Variants in INSC observed in about 807,000 individuals in gnomAD.
INSC encodes INSC spindle orientation adaptor protein.
A neutral mutation model predicts 58.6 loss-of-function variants in INSC; 67 were observed. The ratio of observed to expected loss-of-function variants is 1.14; its 90% confidence interval spans 0.94 to 1.40. The LOEUF (loss-of-function observed/expected upper bound fraction) is 1.40, where lower values mean the gene tolerates loss of function less well. Among genes scored for constraint, INSC ranks in the 40% most tolerant of loss-of-function variants. The probability of loss-of-function intolerance (pLI) is 0.00; values close to 1 mark genes in which losing one functional copy is unlikely to be tolerated. For synonymous variants in INSC, 262 were observed against 276.1 expected (o/e 0.95, Z 0.51); for missense variants, 714 against 692.0 (o/e 1.03, Z -0.36).
chr11:15,173,618 A>G (rs989332048), intron 2 of INSC, among the ~76,000 whole-genome samples: 10 of 152,086 alleles, frequency 6.6e-5, no homozygotes, highest in African/African-American at 1.2e-4. Context: ...ACATATACAT[A>G]TATGTATGTG....
intron 10 of INSC, among the ~76,000 whole-genome samples, chr11:15,236,279 T>G: frequency 6.8e-6 from 1 of 147,688 alleles, no homozygotes; most frequent in Non-Finnish European, 1.5e-5. Context: ...GGAAGAAGAG[T>G]AAGGTAGTCT....
chr11:15,204,311 C>A (rs763553434), intron 7 of INSC, among the ~76,000 whole-genome samples: 76 of 152,234 alleles, frequency 5.0e-4, no homozygotes, highest in Admixed American at 1.7e-3. Flanking sequence ...TAATGTAATT[C>A]CAGCTCTGCT....
In INSC at chr11:15,149,117, C is replaced by G; in HGVS notation, c.-45-13C>G. On this transcript the variant is annotated splice_polypyrimidine_tract_variant and intron_variant, in intron 1 of 12. Transcript: ENST00000379556. ...TTAGGATCTCGTTGTGCCATCCTGCCCTCTATTTTCAGGGTCACGACCGCT... is the reference window on the plus strand; with the variant it reads ...TTAGGATCTCGTTGTGCCATCCTGCGCTCTATTTTCAGGGTCACGACCGCT... The G allele has an allele frequency of 6.3e-7, 1 of 1,593,206 alleles. No homozygotes were observed. The highest frequency in any genetic ancestry group is 8.5e-7 in the Non-Finnish European group (1 of 1,170,178).
At chr11:15,226,007 C>G (rs928169058) in intron 9 of INSC, among the ~76,000 whole-genome samples, 179 bp downstream of exon 9, 1 of 150,222 alleles carries the variant, frequency 6.7e-6, no homozygotes, top group East Asian at 1.9e-4. Flanking sequence ...TCTATGAGAA[C>G]TCCTACCCTC....
At chr11:15,134,925 A>T (rs1160026055) in intron 1 of INSC, among the ~76,000 whole-genome samples, 1 of 151,980 alleles carries the variant, frequency 6.6e-6, no homozygotes, top group Non-Finnish European at 1.5e-5. Flanking sequence ...GGGAAGAGAG[A>T]GGGAGCATCA....
At chr11:15,138,249 A>G (rs1008044301) in intron 1 of INSC, among the ~76,000 whole-genome samples, 7 of 152,258 alleles carry the variant, frequency 4.6e-5, no homozygotes, top group African/African-American at 1.7e-4. Flanking sequence ...AATAGTAATG[A>G]AAAATTGGAA....
At chr11:15,115,614 A>G (rs1847673585) in intron 1 of INSC, among the ~76,000 whole-genome samples, 1 of 152,100 alleles carries the variant, frequency 6.6e-6, no homozygotes, top group South Asian at 2.1e-4. Context: ...GGTCAGGGAG[A>G]CAGCTTGGGA....
chr11:15,221,443 G>T, intron 7 of INSC, 34 bp from the exon 8 acceptor site: 1 of 1,577,120 alleles, frequency 6.3e-7, no homozygotes, highest in South Asian at 1.2e-5. Flanking sequence ...GTCCACCCAG[G>T]ATGCACAGGG....
chr11:15,232,820 G>A (rs905596343), intron 9 of INSC, among the ~76,000 whole-genome samples: 1 of 152,134 alleles, frequency 6.6e-6, no homozygotes. Flanking sequence ...ATACTCCCCT[G>A]AGCCAAAGAA....
At chr11:15,147,458 A>G (rs1848522618) in intron 1 of INSC, among the ~76,000 whole-genome samples, 1 of 152,228 alleles carries the variant, frequency 6.6e-6, no homozygotes, top group Admixed American at 6.5e-5. Flanking sequence ...CTATTTATTT[A>G]GCTCTTACGT....
intron 5 of INSC, among the ~76,000 whole-genome samples, chr11:15,187,108 C>T (rs1208568627): frequency 6.6e-6 from 1 of 152,168 alleles, no homozygotes; most frequent in African/African-American, 2.4e-5. Flanking sequence ...GGATCCTACA[C>T]GTGGCTTTTC....
chr11:15,161,523 A>C (rs777364085), intron 2 of INSC, among the ~76,000 whole-genome samples: 1 of 152,192 alleles, frequency 6.6e-6, no homozygotes, highest in South Asian at 2.1e-4. Context: ...CATTTCCACT[A>C]TAGGTGGGCA....
At chr11:15,201,044 C>T in intron 7 of INSC, 95 bp downstream of exon 7, 1 of 1,438,178 alleles carries the variant, frequency 7.0e-7, no homozygotes, top group Non-Finnish European at 9.4e-7. Flanking sequence ...TTTCATGGAC[C>T]AAGTGCCTCG....
intron 1 of INSC, among the ~76,000 whole-genome samples, chr11:15,134,141 G>A (rs757943642): frequency 3.9e-5 from 6 of 152,126 alleles, no homozygotes; most frequent in Admixed American, 2.0e-4. Flanking sequence ...TACTTTGGAC[G>A]TTTGGAGGAA....
At chr11:15,182,075 G>A (rs534851279) in intron 5 of INSC, among the ~76,000 whole-genome samples, 2 of 152,178 alleles carry the variant, frequency 1.3e-5, no homozygotes, top group African/African-American at 2.4e-5. Flanking sequence ...GTTCCTTCAG[G>A]ACTTCTCAAT....
At chr11:15,249,900 A>G (rs1287553009), downstream of INSC, among the ~76,000 whole-genome samples, 2 of 152,220 alleles carry the variant, frequency 1.3e-5, no homozygotes, top group Non-Finnish European at 2.9e-5. Flanking sequence ...TAAAGTCCTC[A>G]CTGGTCAGGT....
chr11:15,191,467 G>A (rs926805965), intron 6 of INSC, among the ~76,000 whole-genome samples: 1 of 152,168 alleles, frequency 6.6e-6, no homozygotes, highest in African/African-American at 2.4e-5. Flanking sequence ...TCCATGGGAT[G>A]TGGTGATGTA....
chr11:15,140,736 G>GC (rs951765632), intron 1 of INSC, among the ~76,000 whole-genome samples: 1 of 151,952 alleles, frequency 6.6e-6, no homozygotes, highest in Non-Finnish European at 1.5e-5. Flanking sequence ...GTACCACCAT[G>GC]CCCCATCTAA....
chr11:15,169,037 G>A (rs1849299471), intron 2 of INSC, among the ~76,000 whole-genome samples: 1 of 152,180 alleles, frequency 6.6e-6, no homozygotes, highest in African/African-American at 2.4e-5. Flanking sequence ...CCAGTGTGCA[G>A]GCCTTGTTTG....
Sources: gnomAD v4.1 joint callset for allele counts (sites outside exome capture counted in the v4.1 genomes callset) on GRCh38, gnomAD v4.1.1 for gene constraint, MANE v1.5 for transcripts, NCBI Gene and HGNC (gene_info 2026-07-23, HGNC 2026-07-21) for gene names.